Variants in MAP4K3 observed in about 807,000 individuals in gnomAD.
MAP4K3 encodes the protein MAPK/ERK kinase kinase kinase 3.
A neutral mutation model predicts 143.5 loss-of-function variants in MAP4K3; 94 were observed. That is an observed-to-expected ratio of 0.65 (90% CI 0.55 to 0.78). The LOEUF (loss-of-function observed/expected upper bound fraction) is 0.78. Ranked by LOEUF, MAP4K3 falls within the 30% of genes least tolerant of loss-of-function variation. The probability of loss-of-function intolerance (pLI) is 0.00; values close to 1 mark genes in which losing one functional copy is unlikely to be tolerated. For missense variants in MAP4K3, 1,077 were observed against 1,068.1 expected (o/e 1.01, Z -0.12); for synonymous variants, 416 against 347.2 (o/e 1.20, Z -2.20).
rs567183208 is a variant in MAP4K3 at position 39,393,530 on chromosome 2, T to A, written c.97-15407A>T. On this transcript the variant is annotated intron_variant, in intron 1 of 33. Transcript: ENST00000263881. ...TAGCAAACTTCATTTTTTAAAATTT[T>A]AATTTTTTAAAATATTTTTTGCGCA... is the stretch of plus-strand genomic sequence containing the variant. Among the ~76,000 whole-genome samples, 16 of 152,318 alleles carry A rather than the reference T, an allele frequency of 1.1e-4. No individual in the cohort carries two copies. The South Asian group carries it at 3.3e-3, about 32-fold the overall frequency.
intron 15 of MAP4K3, among the ~76,000 whole-genome samples, chr2:39,304,061 TA>T (rs1186129137): frequency 6.6e-6 from 1 of 152,184 alleles, no homozygotes; most frequent in Middle Eastern, 3.2e-3. Flanking sequence ...GTTTTTGTTT[TA>T]AACTCAGGCA....
chr2:39,407,212 T>C (rs1667120380), intron 1 of MAP4K3, among the ~76,000 whole-genome samples: 2 of 152,118 alleles, frequency 1.3e-5, no homozygotes, highest in Admixed American at 6.5e-5. Flanking sequence ...TAAAGAGAAC[T>C]GTGCCAATAT....
At chr2:39,400,019 C>T (rs1396829572) in intron 1 of MAP4K3, among the ~76,000 whole-genome samples, 1 of 152,124 alleles carries the variant, frequency 6.6e-6, no homozygotes, top group African/African-American at 2.4e-5. Flanking sequence ...AAGCTCAAAG[C>T]TCAGACCCAT....
chr2:39,435,457 C>T (rs758203310), intron 1 of MAP4K3, among the ~76,000 whole-genome samples: 1 of 152,176 alleles, frequency 6.6e-6, no homozygotes, highest in Non-Finnish European at 1.5e-5. Context: ...GCTCCCCTAT[C>T]TGGCGTAATC....
At chr2:39,333,742 C>T (rs1288646241) in intron 6 of MAP4K3, among the ~76,000 whole-genome samples, 168 bp from the exon 7 acceptor site, 3 of 152,072 alleles carry the variant, frequency 2.0e-5, no homozygotes, top group Non-Finnish European at 2.9e-5. Flanking sequence ...AATCTACTGT[C>T]CACTTTTTAG....
chr2:39,371,830 T>C (rs1269384947), intron 2 of MAP4K3, among the ~76,000 whole-genome samples: 1 of 151,364 alleles, frequency 6.6e-6, no homozygotes, highest in African/African-American at 2.4e-5. Context: ...TATATGTATA[T>C]ATATACGTAT....
At chr2:39,403,785 C>G (rs534000191) in intron 1 of MAP4K3, among the ~76,000 whole-genome samples, 81 of 151,290 alleles carry the variant, frequency 5.4e-4, no homozygotes, top group South Asian at 2.5e-3. Context: ...TGTGCCACCC[C>G]TCCCCTAACC....
intron 2 of MAP4K3, among the ~76,000 whole-genome samples, chr2:39,368,467 G>A (rs146682779): frequency 1.1e-4 from 17 of 152,012 alleles, no homozygotes; most frequent in Non-Finnish European, 1.9e-4. Context: ...AGGAGTTTGA[G>A]ACCAGCTTGG....
At chr2:39,392,450 A>C (rs1666692530) in intron 1 of MAP4K3, among the ~76,000 whole-genome samples, 2 of 152,236 alleles carry the variant, frequency 1.3e-5, no homozygotes, top group South Asian at 4.1e-4. Flanking sequence ...ACGCTCTTAA[A>C]TTAGACACAT....
chr2:39,326,039 G>A (rs1448436908), intron 9 of MAP4K3, 78 bp from the exon 10 acceptor site: 2 of 1,499,292 alleles, frequency 1.3e-6, no homozygotes, highest in East Asian at 2.3e-5. Context: ...ATTACTATTT[G>A]TTCCCCAAAT....
intron 1 of MAP4K3, among the ~76,000 whole-genome samples, chr2:39,403,767 G>T (rs1054109275): frequency 3.3e-5 from 5 of 151,224 alleles, no homozygotes; most frequent in Non-Finnish European, 7.4e-5. Context: ...GGCAGCTAAG[G>T]GAGTGCTTGT....
chr2:39,436,762 G>C, intron 1 of MAP4K3, 130 bp downstream of exon 1: 1 of 736,400 alleles, frequency 1.4e-6, no homozygotes, highest in South Asian at 1.7e-5. Context: ...CTTGGCGTCC[G>C]CAGCTCCTCC....
In MAP4K3 at chr2:39,293,214, T is replaced by C. The variant is rs1002083250; in HGVS notation, c.1217+16A>G. The C allele has an allele frequency of 1.0e-5, 16 of 1,531,906 alleles. No individual in the cohort carries two copies. Among genetic ancestry groups the C allele is most frequent in the Non-Finnish European group, 1.3e-5 (15 of 1,129,404 alleles). 94.9% of individuals were successfully genotyped at this position (1,531,906 alleles called of 1,614,324 possible). ...TCTGTGACATAAAGTACTTTAAGATTAAAAATTAAAATTACCGCTGATGCA... is the reference window on the plus strand; with the variant it reads ...TCTGTGACATAAAGTACTTTAAGATCAAAAATTAAAATTACCGCTGATGCA... On this transcript the variant is annotated intron_variant, in intron 17 of 33. Transcript: ENST00000263881.
At chr2:39,308,720 T>C (rs1682808750) in intron 14 of MAP4K3, among the ~76,000 whole-genome samples, 2 of 152,154 alleles carry the variant, frequency 1.3e-5, no homozygotes, top group Non-Finnish European at 2.9e-5. Context: ...CTGAATCTAA[T>C]ATATTATCAT....
intron 12 of MAP4K3, among the ~76,000 whole-genome samples, chr2:39,321,584 G>A (rs1683305664): frequency 6.6e-6 from 1 of 152,078 alleles, no homozygotes. Context: ...ACCCATAAAG[G>A]GTCTGTAATG....
chr2:39,319,859 C>A (rs1334312776), intron 12 of MAP4K3, among the ~76,000 whole-genome samples: 2 of 152,104 alleles, frequency 1.3e-5, no homozygotes, highest in Non-Finnish European at 2.9e-5. Context: ...CATATTTTAC[C>A]ATTTCTAAAA....
At chr2:39,301,661 C>A (rs1012594562) in intron 15 of MAP4K3, among the ~76,000 whole-genome samples, 1 of 151,894 alleles carries the variant, frequency 6.6e-6, no homozygotes. Flanking sequence ...TGATATAAGA[C>A]AAGTAAAAGG....
intron 1 of MAP4K3, among the ~76,000 whole-genome samples, chr2:39,419,937 T>G (rs1667499598): frequency 6.6e-6 from 1 of 152,202 alleles, no homozygotes; most frequent in South Asian, 2.1e-4. Flanking sequence ...AAGCAAGGTA[T>G]GGAAACGGAA....
rs180938675 is a variant in MAP4K3 at position 39,397,979 on chromosome 2, C to T, written c.97-19856G>A. Reference sequence around the variant, plus strand: ...TGGCAAAATCTGATTTAAGTCCAACCACTTGTCAAGCTGTAGGGAAAGGGG... The same window carrying T: ...TGGCAAAATCTGATTTAAGTCCAACTACTTGTCAAGCTGTAGGGAAAGGGG... On this transcript the variant is annotated intron_variant, in intron 1 of 33. Coordinates refer to ENST00000263881, the MANE Select transcript of MAP4K3 (RefSeq NM_003618.4). Among the ~76,000 whole-genome samples the T allele has an allele frequency of 2.4e-4, 36 of 152,224 alleles. 1 individual carries two copies. The highest frequency in any genetic ancestry group is 1.5e-3 in the East Asian group (8 of 5,178).
Sources: allele counts gnomAD v4.1 joint callset (sites outside exome capture counted in the v4.1 genomes callset), GRCh38; gene constraint gnomAD v4.1.1; transcripts MANE v1.5; gene names NCBI Gene and HGNC (gene_info 2026-07-23, HGNC 2026-07-21).